The following SBSPON variants were observed in gnomAD, a reference collection of about 807,000 sequenced individuals.
SBSPON encodes somatomedin-B and thrombospondin type-1 domain-containing protein.
SBSPON carries 30 observed loss-of-function variants against 35.8 expected under a neutral mutation model. The ratio of observed to expected loss-of-function variants is 0.84; its 90% CI spans 0.63 to 1.14. SBSPON has a LOEUF of 1.14. Among genes scored for constraint, SBSPON ranks in the 50% most tolerant of loss-of-function variants. The pLI, the probability that SBSPON is intolerant of heterozygous loss-of-function variation, is 0.00. For synonymous variants in SBSPON, 136 were observed against 135.9 expected, an observed-to-expected ratio of 1.00 and a Z score of 0.00; for missense variants, 364 against 357.7, an observed-to-expected ratio of 1.02 and a Z score of -0.14.
chr8:73,079,119 G>A (rs1468401367), intron 2 of SBSPON, among the ~76,000 whole-genome samples: 1 of 152,114 alleles, frequency 6.6e-6, no homozygotes, highest in East Asian at 1.9e-4. Context: ...AGACAAACAG[G>A]CAGATTTTTA....
At chr8:73,092,284 G>T (rs1810950256) in intron 1 of SBSPON, among the ~76,000 whole-genome samples, 1 of 152,214 alleles carries the variant, frequency 6.6e-6, no homozygotes, top group South Asian at 2.1e-4. Context: ...GAAAGAGGCT[G>T]TTCTACATTT....
At chr8:73,075,373 C>G (rs1464286935) in intron 2 of SBSPON, among the ~76,000 whole-genome samples, 4 of 152,184 alleles carry the variant, frequency 2.6e-5, no homozygotes, top group Admixed American at 6.5e-5. Flanking sequence ...ATACACCCCC[C>G]CCAAATTCAC....
At position 73,081,069 on chromosome 8, in the gene SBSPON, C is replaced by T; in HGVS notation, c.359G>A (p.Gly120Asp). 5.0e-6 allele frequency: 8 copies of T among 1,612,308 alleles called. No homozygotes were observed. Among genetic ancestry groups the T allele is most frequent in the Non-Finnish European group, 6.8e-6 (8 of 1,179,160 alleles). Reference sequence around the variant, plus strand: ...CTGCGGGGTGGAGTACTCCAGGCAGCCAGCTCTCTCTTCCAGGGGTGGGCA... The same window carrying T: ...CTGCGGGGTGGAGTACTCCAGGCAGTCAGCTCTCTCTTCCAGGGGTGGGCA... ...APCPPLEERA[G>D]CLEYSTPQGQ... Residue 120 changes from glycine (G) to aspartate (D), a missense_variant, in exon 2 of 5, where the codon GGC becomes GAC. Coordinates refer to ENST00000297354, the MANE Select transcript of SBSPON (RefSeq NM_153225.4).
intron 1 of SBSPON, among the ~76,000 whole-genome samples, chr8:73,091,447 C>T (rs767668686): frequency 6.2e-4 from 94 of 152,292 alleles, no homozygotes; most frequent in Non-Finnish European, 1.1e-3. Context: ...CCTGCGCTTA[C>T]CACAGATCAG....
intron 4 of SBSPON, among the ~76,000 whole-genome samples, 154 bp from the exon 5 acceptor site, chr8:73,067,612 T>G (rs1306561004): frequency 1.7e-4 from 1 of 5,802 alleles, no homozygotes; most frequent in Admixed American, 1.8e-3. Context: ...TATATAGTTT[T>G]TTTTTTTTTC....
Position 73,093,108 on chromosome 8 carries a change from G to T in SBSPON, c.-41C>A, listed in dbSNP as rs1191284493. Reference sequence around the variant, plus strand: ...GGCGCCTGCGACGCGACAGACCCCCGGGGCAAGCGCTCTGATCCTCGGCTG... The same window carrying T: ...GGCGCCTGCGACGCGACAGACCCCCTGGGCAAGCGCTCTGATCCTCGGCTG... On this transcript the variant is annotated 5_prime_UTR_variant, in exon 1 of 5. Coordinates refer to ENST00000297354, the MANE Select transcript of SBSPON (RefSeq NM_153225.4). The T allele has an allele frequency of 6.9e-6, 8 of 1,166,552 alleles. No homozygotes were observed. The highest frequency in any genetic ancestry group is 7.7e-6 in the Non-Finnish European group (7 of 913,504). The allele number at this position is 1,166,552 out of a possible 1,614,324, so 72.3% of individuals were successfully genotyped here. A position where few individuals can be genotyped will look rare whatever the true frequency, so the allele number is the denominator to read the frequency against.
intron 1 of SBSPON, chr8:73,083,773 C>T (rs1048038294): frequency 6.6e-6 from 1 of 152,206 alleles, no homozygotes; most frequent in Non-Finnish European, 1.5e-5. Context: ...GGCATGGTGG[C>T]CTTTGACTCC....
intron 2 of SBSPON, among the ~76,000 whole-genome samples, chr8:73,078,867 T>C (rs1443412217): frequency 6.6e-6 from 1 of 151,996 alleles, no homozygotes; most frequent in Non-Finnish European, 1.5e-5. Flanking sequence ...ACCACAGTGA[T>C]CTTCTCCCCG....
intron 1 of SBSPON, among the ~76,000 whole-genome samples, chr8:73,088,608 G>C (rs1464700192): frequency 1.3e-5 from 2 of 152,094 alleles, no homozygotes; most frequent in African/African-American, 2.4e-5. Context: ...CTGTGAAGCA[G>C]AAGTGTGGAG....
At chr8:73,086,845 G>A (rs10957639) in intron 1 of SBSPON, among the ~76,000 whole-genome samples, 40,556 of 152,070 alleles carry the variant, frequency 0.27, 6,236 homozygotes, top group East Asian at 0.55. Flanking sequence ...GTGCATTTCT[G>A]TATTTTCCAA....
chr8:73,087,525 T>C (rs1810855310), intron 1 of SBSPON, among the ~76,000 whole-genome samples: 1 of 152,156 alleles, frequency 6.6e-6, no homozygotes, highest in Admixed American at 6.5e-5. Context: ...CCCCGCTCGT[T>C]TTTTTTCTTC....
At chr8:73,091,716 A>G (rs1386302277) in intron 1 of SBSPON, among the ~76,000 whole-genome samples, 2 of 152,258 alleles carry the variant, frequency 1.3e-5, no homozygotes, top group African/African-American at 4.8e-5. Flanking sequence ...TTTATCAAAA[A>G]TAATATCAAT....
chr8:73,087,604 G>C (rs543981680), intron 1 of SBSPON, among the ~76,000 whole-genome samples: 52 of 152,210 alleles, frequency 3.4e-4, no homozygotes, highest in African/African-American at 1.2e-3. Context: ...AATCATCGTA[G>C]ACTCTGGCAT....
At chr8:73,078,868 C>T (rs983066565) in intron 2 of SBSPON, among the ~76,000 whole-genome samples, 3 of 152,072 alleles carry the variant, frequency 2.0e-5, no homozygotes, top group Non-Finnish European at 4.4e-5. Context: ...CCACAGTGAT[C>T]TTCTCCCCGG....
At chr8:73,070,594 GAC>G (rs796195546) in intron 3 of SBSPON, among the ~76,000 whole-genome samples, 1 of 152,198 alleles carries the variant, frequency 6.6e-6, no homozygotes, top group African/African-American at 2.4e-5. Context: ...GGGAGGCTGA[GAC>G]ACACTTTTCT....
intron 4 of SBSPON, among the ~76,000 whole-genome samples, chr8:73,069,167 TC>T (rs1056382834): frequency 2.6e-5 from 4 of 152,190 alleles, no homozygotes; most frequent in African/African-American, 9.7e-5. Context: ...GGTTCAGGAA[TC>T]TGCACATTTT....
rs73687075 is a variant in SBSPON at position 73,068,197 on chromosome 8, G to A, written c.678-739C>T. Among the ~76,000 whole-genome samples the A allele has an allele frequency of 6.9e-3, 1,049 of 151,746 alleles. 8 individuals are homozygous for A. The highest frequency in any genetic ancestry group is 0.023 in the African/African-American group (966 of 41,202). On this transcript the variant is annotated intron_variant, in intron 4 of 4. Transcript: ENST00000297354. ...TCAGCCAGGGTTTAAATACTATATG[G>A]GTACAAATTAAATTATAAATTCATT...
chr8:73,084,944 G>A (rs1159822162), intron 1 of SBSPON, among the ~76,000 whole-genome samples: 1 of 152,152 alleles, frequency 6.6e-6, no homozygotes, highest in Non-Finnish European at 1.5e-5. Flanking sequence ...CACATGGTAG[G>A]TGCTTAATAA....
At chr8:73,092,565 G>GTC (rs1810955995) in intron 1 of SBSPON, among the ~76,000 whole-genome samples, 1 of 152,126 alleles carries the variant, frequency 6.6e-6, no homozygotes, top group Non-Finnish European at 1.5e-5. Flanking sequence ...CGGAGATTTC[G>GTC]TCTCTCGGCT....
Sources: gnomAD v4.1 joint callset for allele counts (sites outside exome capture counted in the v4.1 genomes callset) on GRCh38, gnomAD v4.1.1 for gene constraint, MANE v1.5 for transcripts, NCBI Gene and HGNC (gene_info 2026-07-23, HGNC 2026-07-21) for gene names.